SLC35F1: variants seen among roughly 807,000 people sequenced by gnomAD.
SLC35F1 encodes the protein solute carrier family 35 member F1, also known as chromosome 6 open reading frame 169.
Under a neutral mutation model 48.7 loss-of-function variants are expected in SLC35F1, and 14 were observed. That is an observed-to-expected ratio of 0.29 (90% CI 0.19 to 0.45). SLC35F1 has a LOEUF of 0.45. Among genes scored for constraint, SLC35F1 ranks in the 20% least tolerant of loss-of-function variants. The probability of loss-of-function intolerance (pLI) is 1.00; values close to 1 mark genes in which losing one functional copy is unlikely to be tolerated. For missense variants in SLC35F1, 404 were observed against 500.0 expected (o/e 0.81, Z 1.83); for synonymous variants, 190 against 202.2 (o/e 0.94, Z 0.51).
intron 1 of SLC35F1, among the ~76,000 whole-genome samples, chr6:117,984,773 A>C (rs1313948604): frequency 6.6e-6 from 1 of 152,206 alleles, no homozygotes; most frequent in Non-Finnish European, 1.5e-5. Flanking sequence ...AACTCTAGGC[A>C]GTATGTGCAT....
intron 1 of SLC35F1, among the ~76,000 whole-genome samples, chr6:118,011,471 G>T (rs1032049248): frequency 2.0e-5 from 3 of 152,132 alleles, no homozygotes; most frequent in Non-Finnish European, 4.4e-5. Context: ...AGAACAGCAA[G>T]GGGGAAGTCT....
chr6:118,283,642 T>A (rs1156764967), intron 6 of SLC35F1, among the ~76,000 whole-genome samples: 1 of 152,208 alleles, frequency 6.6e-6, no homozygotes, highest in Admixed American at 6.5e-5. Context: ...AGTTTTATTA[T>A]TTTTAGTGGA....
chr6:118,307,763 A>G (rs761234079), intron 7 of SLC35F1, among the ~76,000 whole-genome samples: 21 of 152,316 alleles, frequency 1.4e-4, no homozygotes, highest in Admixed American at 1.3e-4. Context: ...GCTCGGGCCC[A>G]GTGGCAATAG....
At chr6:118,210,425 T>C (rs1416752143) in intron 2 of SLC35F1, among the ~76,000 whole-genome samples, 1 of 152,190 alleles carries the variant, frequency 6.6e-6, no homozygotes, top group Admixed American at 6.5e-5. Flanking sequence ...CTAATTCTAA[T>C]TTGCTTGAAT....
intron 1 of SLC35F1, among the ~76,000 whole-genome samples, chr6:118,142,256 T>G (rs190264700): frequency 6.6e-6 from 1 of 152,150 alleles, no homozygotes; most frequent in African/African-American, 2.4e-5. Flanking sequence ...TTGTCTTTTT[T>G]AAAATAAATT....
intron 7 of SLC35F1, among the ~76,000 whole-genome samples, chr6:118,306,606 A>G (rs1776314596): frequency 6.6e-6 from 1 of 152,214 alleles, no homozygotes; most frequent in African/African-American, 2.4e-5. Context: ...ACTGATAATA[A>G]GAACGATGCA....
intron 3 of SLC35F1, among the ~76,000 whole-genome samples, chr6:118,247,133 C>A (rs958153606): frequency 6.6e-6 from 1 of 152,178 alleles, no homozygotes; most frequent in Non-Finnish European, 1.5e-5. Flanking sequence ...CTAACCATCC[C>A]ATCTTCTTAT....
chr6:118,002,730 C>T (rs1777120642), intron 1 of SLC35F1, among the ~76,000 whole-genome samples: 1 of 151,668 alleles, frequency 6.6e-6, no homozygotes, highest in African/African-American at 2.4e-5. Flanking sequence ...AATTTTCAGA[C>T]ATATGCAAAA....
intron 7 of SLC35F1, among the ~76,000 whole-genome samples, chr6:118,306,253 AT>A (rs147568926): frequency 0.013 from 2,040 of 152,248 alleles, 53 homozygotes; most frequent in African/African-American, 0.046. Context: ...CTGACCTTAA[AT>A]TTTTAAGATC....
intron 1 of SLC35F1, among the ~76,000 whole-genome samples, chr6:117,933,302 A>G (rs1457883797): frequency 6.6e-6 from 1 of 152,184 alleles, no homozygotes; most frequent in Non-Finnish European, 1.5e-5. Context: ...CTGCCTCCTG[A>G]CAAAAGTAAA....
chr6:118,254,613 A>G (rs1451538987), intron 3 of SLC35F1, among the ~76,000 whole-genome samples: 1 of 152,204 alleles, frequency 6.6e-6, no homozygotes, highest in Non-Finnish European at 1.5e-5. Context: ...CTGGAAATAA[A>G]CCTAGAAATA....
intron 1 of SLC35F1, among the ~76,000 whole-genome samples, chr6:118,002,395 G>A (rs979683023): frequency 6.0e-5 from 9 of 150,766 alleles, no homozygotes; most frequent in African/African-American, 2.2e-4. Context: ...GGTGGGAACT[G>A]AACAATGAGA....
intron 4 of SLC35F1, among the ~76,000 whole-genome samples, chr6:118,270,239 G>A (rs144813733): frequency 1.2e-4 from 19 of 152,026 alleles, no homozygotes; most frequent in Admixed American, 2.6e-4. Flanking sequence ...ATTCCACTTC[G>A]TCAGCATGTT....
At position 118,314,493 on chromosome 6, in the gene SLC35F1, A is replaced by G. The variant is rs974130421; in HGVS notation, c.*241A>G. The G allele has an allele frequency of 1.2e-5, 6 of 507,752 alleles. No homozygotes were observed. The highest frequency in any genetic ancestry group is 1.8e-5 in the Non-Finnish European group (5 of 283,424). The allele number at this position is 507,752 out of a possible 1,614,324, so 31.5% of individuals were successfully genotyped here. A position where few individuals can be genotyped will look rare whatever the true frequency, so the allele number is the denominator to read the frequency against. ...TGTATCCTGATCACAACTCCCCTGC[A>G]TTCATTACTGTGAAAATTTTTGAAT... On this transcript the variant is annotated 3_prime_UTR_variant, in exon 8 of 8. Coordinates refer to ENST00000360388, the MANE Select transcript of SLC35F1 (RefSeq NM_001029858.4).
At chr6:118,231,974 A>G (rs964350346) in intron 2 of SLC35F1, among the ~76,000 whole-genome samples, 2 of 152,374 alleles carry the variant, frequency 1.3e-5, no homozygotes, top group South Asian at 2.1e-4. Flanking sequence ...CGTTGTCTAC[A>G]TTCTAACTAG....
intron 2 of SLC35F1, among the ~76,000 whole-genome samples, chr6:118,170,042 G>A (rs1215605418): frequency 6.6e-6 from 1 of 152,152 alleles, no homozygotes; most frequent in Non-Finnish European, 1.5e-5. Context: ...AGTTGCCTTG[G>A]ATTTCAGAGT....
At chr6:118,046,298 A>C (rs771667928) in intron 1 of SLC35F1, among the ~76,000 whole-genome samples, 1 of 152,206 alleles carries the variant, frequency 6.6e-6, no homozygotes, top group Non-Finnish European at 1.5e-5. Flanking sequence ...AAGCTGTGAT[A>C]GTGGCCAAAA....
intron 4 of SLC35F1, among the ~76,000 whole-genome samples, chr6:118,272,737 G>GTGTGTATATATATATATATATATA (rs201515909): frequency 1.7e-5 from 2 of 120,242 alleles, no homozygotes; most frequent in Admixed American, 8.3e-5. Flanking sequence ...ATATGTGTGT[G>GTGTGTATATATATATATATATATA]TATATATATA....
chr6:118,183,534 T>C (rs1006110411), intron 2 of SLC35F1, among the ~76,000 whole-genome samples: 1 of 151,996 alleles, frequency 6.6e-6, no homozygotes, highest in Non-Finnish European at 1.5e-5. Flanking sequence ...AATTGTTTCT[T>C]ACAGAAAAAT....
Sources: allele counts gnomAD v4.1 joint callset (sites outside exome capture counted in the v4.1 genomes callset), GRCh38; gene constraint gnomAD v4.1.1; transcripts MANE v1.5; gene names NCBI Gene and HGNC (gene_info 2026-07-23, HGNC 2026-07-21).